CDON: variants seen among roughly 807,000 people sequenced by gnomAD.
CDON encodes cell adhesion associated, oncogene regulated.
Under a neutral mutation model 120.9 loss-of-function variants are expected in CDON, and 73 were observed. The observed-to-expected ratio is 0.60, with a 90% CI of 0.50 to 0.73. The LOEUF is 0.73. CDON is among the 30% of genes least tolerant of loss of function. The pLI is 0.00. For missense variants in CDON, 1,470 were observed against 1,587.3 expected (o/e 0.93, Z 1.26); for synonymous variants, 566 against 573.5 (o/e 0.99, Z 0.19).
Position 125,997,421 on chromosome 11 carries a change from A to C in CDON, c.2159-11T>G. 2.5e-6 allele frequency: 4 copies of C among 1,591,382 alleles called. No homozygotes were observed. The highest frequency in any genetic ancestry group is 3.4e-6 in the Non-Finnish European group (4 of 1,162,522). On this transcript the variant is annotated splice_polypyrimidine_tract_variant and intron_variant, in intron 11 of 19. Coordinates refer to ENST00000531738, the MANE Select transcript of CDON (RefSeq NM_001378964.1). Reference sequence around the variant, plus strand: ...CTGGTGCCTCTGGAACTAAACACGGAAACGTTCATTTCAATAACCCACCAT... The same window carrying C: ...CTGGTGCCTCTGGAACTAAACACGGCAACGTTCATTTCAATAACCCACCAT...
intron 14 of CDON, among the ~76,000 whole-genome samples, chr11:125,990,934 T>G (rs902976337): frequency 2.0e-5 from 3 of 152,170 alleles, no homozygotes; most frequent in African/African-American, 4.8e-5. Flanking sequence ...CCAAAAGATG[T>G]TGACTCCAAA....
intron 18 of CDON, 108 bp from the exon 19 acceptor site, chr11:125,962,106 G>T: frequency 1.2e-6 from 1 of 854,572 alleles, no homozygotes. Flanking sequence ...AGACTCTTAA[G>T]AAAGAGTGAT....
chr11:126,010,554 T>C lies in CDON; in HGVS notation c.1339A>G (p.Ser447Gly), dbSNP rs923064231. The C allele has an allele frequency of 1.2e-6, 2 of 1,614,050 alleles. No individual in the cohort carries two copies. Among genetic ancestry groups the C allele is most frequent in the African/African-American group, 2.7e-5 (2 of 74,924 alleles). ...GATCTCAGGACTTGAGATGGATGGC[T>C]GGTTATCAATCCATGGCTGTCATAC... ...RWYDSHGLIT[S>G]HPSQVLRSKS... Residue 447 changes from serine to glycine, a missense_variant, in exon 8 of 20, where the codon AGC becomes GGC. By Grantham distance (56) the Ser-to-Gly change is moderately conservative. Coordinates refer to ENST00000531738, the MANE Select transcript of CDON (RefSeq NM_001378964.1).
intron 11 of CDON, 150 bp downstream of exon 11, chr11:126,001,569 T>C (rs1410314975): frequency 4.6e-6 from 3 of 652,328 alleles, no homozygotes; most frequent in Non-Finnish European, 8.0e-6. Flanking sequence ...AAAGTTTAAA[T>C]ATAGGACATT....
chr11:125,996,243 CAG>C (rs1946779552), intron 12 of CDON, among the ~76,000 whole-genome samples: 1 of 150,842 alleles, frequency 6.6e-6, no homozygotes, highest in Non-Finnish European at 1.5e-5. Context: ...TGTAAATAAA[CAG>C]AAATAATCTA....
At chr11:125,998,119 A>G (rs1180180064) in intron 11 of CDON, among the ~76,000 whole-genome samples, 1 of 152,190 alleles carries the variant, frequency 6.6e-6, no homozygotes, top group Non-Finnish European at 1.5e-5. Context: ...ACTGCCAAGG[A>G]AAGGGAATGC....
At chr11:125,978,735 T>G (rs1385826745) in intron 17 of CDON, among the ~76,000 whole-genome samples, 3 of 152,250 alleles carry the variant, frequency 2.0e-5, no homozygotes, top group African/African-American at 7.2e-5. Flanking sequence ...TAGCCTCCAT[T>G]CATTTTCCCT....
In CDON at chr11:126,003,951, G is replaced by C. The variant is rs563267429; in HGVS notation, c.1977C>G (p.Ser659Arg). ...TGGCAGGTTGGCCTTCACCTGCTGC[G>C]CTTCTTGCTACCATCAAGACTTCAT... ...SLYEVLMVAR[S>R]AAGEGQPAML... The change falls in exon 10 of 20, where the codon AGC becomes AGG. Residue 659 changes from serine to arginine, a missense_variant. Coordinates refer to ENST00000531738, the MANE Select transcript of CDON (RefSeq NM_001378964.1). 6.2e-7 allele frequency: 1 copy of C among 1,614,030 alleles called. No individual in the cohort carries two copies.
chr11:125,980,949 T>G, intron 17 of CDON, 100 bp downstream of exon 17: 14 of 1,204,690 alleles, frequency 1.2e-5, no homozygotes, highest in South Asian at 2.5e-5. Context: ...AGGAAACTTG[T>G]GAGGTTTCTA....
rs753666053 is a variant in CDON, at chr11:125,970,469, G to A, written c.3356+7835C>T. 4.0e-5 allele frequency among the ~76,000 whole-genome samples: 6 copies of A among 151,790 alleles called. No homozygotes were observed. In the South Asian group the frequency reaches 8.3e-4, roughly 21 times the overall value. On this transcript the variant is annotated intron_variant, in intron 18 of 19. Coordinates refer to ENST00000531738, the MANE Select transcript of CDON (RefSeq NM_001378964.1). ...ATTACAGACGTGAGCCACCGCACCC[G>A]GCCAGTAGTTTATGTTAAAATTCCA...
rs1209643811 is a variant in CDON at position 125,957,399 on chromosome 11, A to G, written c.*3543T>C. The G allele has an allele frequency of 6.6e-6, 1 of 152,196 alleles. No individual in the cohort carries two copies. The highest frequency in any genetic ancestry group is 1.5e-5 in the Non-Finnish European group (1 of 68,048). The allele number at this position is 152,196 out of a possible 1,614,324, so 9.4% of individuals were successfully genotyped here. On this transcript the variant is annotated 3_prime_UTR_variant, in exon 20 of 20. Coordinates refer to ENST00000531738, the MANE Select transcript of CDON (RefSeq NM_001378964.1). ...CATTCGCCCACCCCAATCACAAACT[A>G]TAAGCAGCGTTGTACAAACAGGGAG...
intron 12 of CDON, among the ~76,000 whole-genome samples, chr11:125,995,597 T>C (rs1412910744): frequency 1.3e-5 from 2 of 152,206 alleles, no homozygotes; most frequent in Non-Finnish European, 2.9e-5. Flanking sequence ...GTGGAAGGAA[T>C]TGTTTGAATT....
chr11:125,970,521 CTG>C (rs1332526156), intron 18 of CDON, among the ~76,000 whole-genome samples: 2 of 152,114 alleles, frequency 1.3e-5, no homozygotes, highest in Non-Finnish European at 2.9e-5. Flanking sequence ...CCACTAGTCA[CTG>C]TGTCATTTTG....
At chr11:126,042,470 C>G (rs1178484068) in intron 1 of CDON, among the ~76,000 whole-genome samples, 1 of 152,162 alleles carries the variant, frequency 6.6e-6, no homozygotes, top group Non-Finnish European at 1.5e-5. Flanking sequence ...ACAAAGCAGA[C>G]AAGAACTGGA....
At chr11:126,053,810 C>T (rs555629850) in intron 1 of CDON, among the ~76,000 whole-genome samples, 6 of 150,390 alleles carry the variant, frequency 4.0e-5, no homozygotes, top group African/African-American at 1.5e-4. Flanking sequence ...ACAGAGGTTA[C>T]TGATAAACCC....
chr11:125,974,161 G>A (rs1343681029), intron 18 of CDON, among the ~76,000 whole-genome samples: 1 of 151,996 alleles, frequency 6.6e-6, no homozygotes, highest in Admixed American at 6.5e-5. Flanking sequence ...CTCCCAAAGT[G>A]CTGGGATTAC....
rs560633175 is a variant in CDON, at chr11:126,016,711, C to G, written c.928+377G>C. On this transcript the variant is annotated intron_variant, in intron 6 of 19. Transcript: ENST00000531738. ...GCCTCCCAAAGTGTGAGTTACCATG[C>G]CTGGCCTGACATTTTCTCATCAGTA... Among the ~76,000 whole-genome samples, 3 of 152,234 alleles carry G rather than the reference C, an allele frequency of 2.0e-5. No homozygotes were observed. The South Asian group carries it at 6.2e-4, about 32-fold the overall frequency.
At chr11:125,975,819 T>C (rs1196327825) in intron 18 of CDON, among the ~76,000 whole-genome samples, 1 of 152,234 alleles carries the variant, frequency 6.6e-6, no homozygotes, top group Non-Finnish European at 1.5e-5. Flanking sequence ...CCTTTCTACG[T>C]CCATGACTGT....
chr11:126,019,015 T>C (rs1205542900), intron 4 of CDON, among the ~76,000 whole-genome samples: 1 of 152,128 alleles, frequency 6.6e-6, no homozygotes, highest in South Asian at 2.1e-4. Flanking sequence ...ATGTTAACGG[T>C]AGTGAATCTC....
Sources: gnomAD v4.1 joint callset for allele counts (sites outside exome capture counted in the v4.1 genomes callset) on GRCh38, gnomAD v4.1.1 for gene constraint, MANE v1.5 for transcripts, NCBI Gene and HGNC (gene_info 2026-07-23, HGNC 2026-07-21) for gene names.